SIPA1L1: variants seen among roughly 807,000 people sequenced by gnomAD.
SIPA1L1 encodes the protein signal induced proliferation associated 1 like 1.
SIPA1L1 carries 26 observed loss-of-function variants against 162.7 expected under a neutral mutation model. That is an observed-to-expected ratio of 0.16 (90% CI 0.12 to 0.22). The LOEUF is 0.22. Ranked by LOEUF, SIPA1L1 falls within the 10% of genes least tolerant of loss-of-function variation. The pLI, the probability that SIPA1L1 is intolerant of heterozygous loss-of-function variation, is 1.00. For synonymous variants in SIPA1L1, 829 were observed against 837.4 expected (o/e 0.99, Z 0.17); for missense variants, 1,874 against 2,241.0 (o/e 0.84, Z 3.31).
chr14:71,663,467 T>G (rs2043720224), intron 10 of SIPA1L1, among the ~76,000 whole-genome samples: 1 of 152,144 alleles, frequency 6.6e-6, no homozygotes, highest in African/African-American at 2.4e-5. Context: ...ATAACAGAAT[T>G]AAGTATCCAT....
intron 13 of SIPA1L1, among the ~76,000 whole-genome samples, chr14:71,689,904 A>G (rs1168465557): frequency 6.6e-6 from 1 of 152,176 alleles, no homozygotes; most frequent in East Asian, 1.9e-4. Flanking sequence ...AACAAACTTA[A>G]AAGAGTTCTC....
chr14:71,595,837 C>G (rs768940423), intron 5 of SIPA1L1, among the ~76,000 whole-genome samples: 1 of 152,184 alleles, frequency 6.6e-6, no homozygotes, highest in Non-Finnish European at 1.5e-5. Flanking sequence ...CCTACGATCT[C>G]TAGTCTACCT....
intron 2 of SIPA1L1, among the ~76,000 whole-genome samples, chr14:71,469,972 T>C (rs1305038240): frequency 6.6e-6 from 1 of 152,138 alleles, no homozygotes; most frequent in Non-Finnish European, 1.5e-5. Flanking sequence ...GTCCTGAGCC[T>C]GGGGCAGCAG....
At chr14:71,420,606 A>T in intron 2 of SIPA1L1, among the ~76,000 whole-genome samples, 1 of 152,202 alleles carries the variant, frequency 6.6e-6, no homozygotes, top group East Asian at 1.9e-4. Flanking sequence ...CTTATTATCT[A>T]TGGAATTTTC....
chr14:71,525,724 CA>C (rs760005102), intron 3 of SIPA1L1, among the ~76,000 whole-genome samples: 1 of 152,202 alleles, frequency 6.6e-6, no homozygotes, highest in Non-Finnish European at 1.5e-5. Flanking sequence ...ATCCCTTCAT[CA>C]GTCTTTTAAG....
chr14:71,480,090 T>G (rs573769459), intron 2 of SIPA1L1, among the ~76,000 whole-genome samples: 6 of 136,402 alleles, frequency 4.4e-5, no homozygotes, highest in South Asian at 4.4e-4. Flanking sequence ...TTGTTTTTTG[T>G]TTTTTTTTTT....
chr14:71,602,006 A>G (rs1282290203), intron 5 of SIPA1L1, among the ~76,000 whole-genome samples: 2 of 151,796 alleles, frequency 1.3e-5, no homozygotes, highest in Non-Finnish European at 2.9e-5. Context: ...TCTTTTCAAA[A>G]AAAACAACTT....
chr14:71,570,707 G>C (rs759093843), intron 4 of SIPA1L1, among the ~76,000 whole-genome samples: 1 of 152,174 alleles, frequency 6.6e-6, no homozygotes. Flanking sequence ...AGATACTGAA[G>C]ATGAAATGGA....
At chr14:71,464,372 G>A (rs1045923140) in intron 2 of SIPA1L1, among the ~76,000 whole-genome samples, 4 of 152,164 alleles carry the variant, frequency 2.6e-5, no homozygotes, top group African/African-American at 9.7e-5. Flanking sequence ...GCCAGGCATG[G>A]CAGCTCACGC....
At chr14:71,502,253 A>T (rs200403650) in intron 2 of SIPA1L1, among the ~76,000 whole-genome samples, 6,610 of 89,014 alleles carry the variant, frequency 0.074, 222 homozygotes, top group African/African-American at 0.12. Flanking sequence ...AAAAAAAAAA[A>T]AAATATATAT....
intron 7 of SIPA1L1, among the ~76,000 whole-genome samples, chr14:71,647,136 A>G (rs1471123023): frequency 1.3e-5 from 2 of 152,126 alleles, no homozygotes; most frequent in Non-Finnish European, 2.9e-5. Flanking sequence ...ATACAGTCAC[A>G]TTGTCACCTT....
At chr14:71,652,692 A>G (rs2042729700) in intron 8 of SIPA1L1, among the ~76,000 whole-genome samples, 1 of 149,070 alleles carries the variant, frequency 6.7e-6, no homozygotes, top group East Asian at 2.0e-4. Flanking sequence ...TTCTATTAAT[A>G]TATCTTAAAG....
intron 6 of SIPA1L1, among the ~76,000 whole-genome samples, chr14:71,623,095 G>A (rs1225115569): frequency 1.3e-5 from 2 of 152,052 alleles, no homozygotes; most frequent in Non-Finnish European, 2.9e-5. Flanking sequence ...AGCCACTGTG[G>A]TCCATTCTCT....
intron 4 of SIPA1L1, among the ~76,000 whole-genome samples, chr14:71,536,253 G>T (rs925759155): frequency 1.3e-5 from 2 of 152,106 alleles, no homozygotes; most frequent in African/African-American, 4.8e-5. Flanking sequence ...GTGCTTGTTT[G>T]TTGGTTTCCT....
At chr14:71,414,855 G>C (rs2042647871) in intron 2 of SIPA1L1, among the ~76,000 whole-genome samples, 1 of 152,130 alleles carries the variant, frequency 6.6e-6, no homozygotes, top group African/African-American at 2.4e-5. Context: ...GACTGTACTG[G>C]CTTACTCATT....
intron 2 of SIPA1L1, among the ~76,000 whole-genome samples, chr14:71,325,184 C>T (rs1441607122): frequency 6.6e-6 from 1 of 152,206 alleles, no homozygotes; most frequent in Non-Finnish European, 1.5e-5. Context: ...CTATCTGCTG[C>T]ACTTCTACTT....
At chr14:71,673,128 A>G (rs1442322485) in intron 12 of SIPA1L1, among the ~76,000 whole-genome samples, 1 of 152,210 alleles carries the variant, frequency 6.6e-6, no homozygotes. Context: ...GTTTGGCTTC[A>G]GGTGAGCTGC....
chr14:71,715,524 G>A (rs906148984), intron 17 of SIPA1L1, among the ~76,000 whole-genome samples: 1 of 152,214 alleles, frequency 6.6e-6, no homozygotes, highest in East Asian at 1.9e-4. Flanking sequence ...AGCTGGTAAT[G>A]TGCCATGTCA....
At chr14:71,424,574 T>G (rs2043423565) in intron 2 of SIPA1L1, among the ~76,000 whole-genome samples, 1 of 151,994 alleles carries the variant, frequency 6.6e-6, no homozygotes, top group South Asian at 2.1e-4. Flanking sequence ...TAATGTGGTG[T>G]ATGATCTTTG....
Sources: gnomAD v4.1 joint callset for allele counts (sites outside exome capture counted in the v4.1 genomes callset) on GRCh38, gnomAD v4.1.1 for gene constraint, MANE v1.5 for transcripts, NCBI Gene and HGNC (gene_info 2026-07-23, HGNC 2026-07-21) for gene names.